The following GPLD1 variants were observed in gnomAD, a reference collection of about 807,000 sequenced individuals.
GPLD1 encodes glycosylphosphatidylinositol specific phospholipase D1, also known as phosphatidylinositol-glycan-specific phospholipase D.
GPLD1 carries 84 observed loss-of-function variants against 112.6 expected under a neutral mutation model. The ratio of observed to expected loss-of-function variants is 0.75; its 90% confidence interval spans 0.63 to 0.89. The LOEUF is 0.89. Among genes scored for constraint, GPLD1 ranks in the 40% least tolerant of loss-of-function variants. GPLD1 has a pLI of 0.00. For synonymous variants in GPLD1, 386 were observed against 403.8 expected (o/e 0.96, Z 0.53); for missense variants, 1,044 against 1,051.5 (o/e 0.99, Z 0.10).
At chr6:24,441,245 G>A (rs1762737554) in intron 20 of GPLD1, among the ~76,000 whole-genome samples, 1 of 151,492 alleles carries the variant, frequency 6.6e-6, no homozygotes, top group South Asian at 2.1e-4. Flanking sequence ...GGCAGAGGCT[G>A]CAGTGAGCTT....
intron 1 of GPLD1, 57 bp downstream of exon 1, chr6:24,489,358 A>C: frequency 7.9e-7 from 1 of 1,260,310 alleles, no homozygotes; most frequent in East Asian, 2.3e-5. Context: ...TCTCTTCCTT[A>C]ATGTCTTTGA....
intron 20 of GPLD1, among the ~76,000 whole-genome samples, chr6:24,438,194 T>C (rs1474717586): frequency 6.6e-6 from 1 of 152,138 alleles, no homozygotes; most frequent in Non-Finnish European, 1.5e-5. Context: ...AGAAATGCGG[T>C]CACGTCTCTG....
At chr6:24,442,042 T>C (rs1032816190) in intron 20 of GPLD1, among the ~76,000 whole-genome samples, 1 of 148,580 alleles carries the variant, frequency 6.7e-6, no homozygotes, top group Non-Finnish European at 1.5e-5. Context: ...ATTTATATTA[T>C]ATATTAGTAT....
intron 20 of GPLD1, among the ~76,000 whole-genome samples, chr6:24,444,494 ATTTAT>A (rs1271162921): frequency 6.6e-6 from 1 of 150,434 alleles, no homozygotes; most frequent in Non-Finnish European, 1.5e-5. Flanking sequence ...AATGGTTCTT[ATTTAT>A]TTTTTTTTTT....
intron 5 of GPLD1, 109 bp from the exon 6 acceptor site, chr6:24,473,776 G>A (rs1162748051): frequency 1.5e-6 from 1 of 652,484 alleles, no homozygotes; most frequent in East Asian, 2.7e-5. Context: ...ATGAACTGCT[G>A]AGGACGCATA....
intron 2 of GPLD1, among the ~76,000 whole-genome samples, chr6:24,482,699 C>T (rs574071920): frequency 9.9e-5 from 15 of 151,742 alleles, no homozygotes; most frequent in Admixed American, 7.9e-4. Context: ...TGGTGCACAC[C>T]TGTAATTCCA....
chr6:24,440,561 T>C (rs914744612), intron 20 of GPLD1, among the ~76,000 whole-genome samples: 4 of 126,376 alleles, frequency 3.2e-5, no homozygotes, highest in South Asian at 2.5e-4. Context: ...TTGATCATTA[T>C]CAAAAGTGTA....
intron 2 of GPLD1, 142 bp from the exon 3 acceptor site, chr6:24,480,101 T>A (rs1764152179): frequency 5.1e-6 from 3 of 584,394 alleles, no homozygotes; most frequent in South Asian, 4.7e-5. Flanking sequence ...AAAGCAGGCA[T>A]AAAGTAAATA....
At chr6:24,430,824 G>T (rs1762379605) in intron 24 of GPLD1, among the ~76,000 whole-genome samples, 1 of 152,098 alleles carries the variant, frequency 6.6e-6, no homozygotes, top group Admixed American at 6.6e-5. Flanking sequence ...CCAAGCTCAG[G>T]TATGTGCTGG....
At chr6:24,470,919 A>C (rs531578432) in intron 7 of GPLD1, among the ~76,000 whole-genome samples, 3 of 152,260 alleles carry the variant, frequency 2.0e-5, no homozygotes, top group Admixed American at 6.5e-5. Flanking sequence ...AAAATTGTTA[A>C]TTTTCCAATT....
At chr6:24,470,442 C>A (rs186823170) in intron 7 of GPLD1, among the ~76,000 whole-genome samples, 2 of 152,110 alleles carry the variant, frequency 1.3e-5, no homozygotes, top group Non-Finnish European at 2.9e-5. Context: ...GACAGAACTA[C>A]AAGAAATTGA....
At position 24,489,371 on chromosome 6, in the gene GPLD1, G is replaced by T. The variant is rs1034696432; in HGVS notation, c.97+44C>A. 5 of 1,323,068 alleles carry T rather than the reference G, an allele frequency of 3.8e-6. No homozygotes were observed. In the Admixed American group the frequency reaches 6.7e-5, roughly 18 times the overall value. The allele number at this position is 1,323,068 out of a possible 1,614,324, so 82.0% of individuals were successfully genotyped here. A position where few individuals can be genotyped will look rare whatever the true frequency, so the allele number is the denominator to read the frequency against. On this transcript the variant is annotated intron_variant, in intron 1 of 24. Transcript: ENST00000230036. Reference sequence around the variant, plus strand: ...AGTCTCTTCCTTAATGTCTTTGACAGATGTATTGTCCTCTCAACAACATAA... The same window carrying T: ...AGTCTCTTCCTTAATGTCTTTGACATATGTATTGTCCTCTCAACAACATAA...
chr6:24,473,355 T>C (rs1763892565), intron 6 of GPLD1: 4 of 277,984 alleles, frequency 1.4e-5, no homozygotes, highest in Non-Finnish European at 6.8e-6. Context: ...ACCCAATGTA[T>C]AAGTAAAGTT....
chr6:24,446,999 CT>C lies in GPLD1; in HGVS notation c.1679-21del, dbSNP rs1464684785. On this transcript the variant is annotated intron_variant, in intron 17 of 24. Transcript: ENST00000230036. ...GTTTTTCTAAAGAAGACAACTCATC[CT>C]TTTTACTAATACTTTAAGTGAGAGG... 2 of 1,607,644 alleles carry C rather than the reference CT, an allele frequency of 1.2e-6. No homozygotes were observed. The highest frequency in any genetic ancestry group is 1.7e-6 in the Non-Finnish European group (2 of 1,175,754).
At chr6:24,490,940 C>T (rs1234959014), upstream of GPLD1, among the ~76,000 whole-genome samples, 6 of 152,088 alleles carry the variant, frequency 3.9e-5, no homozygotes, top group Admixed American at 1.3e-4. Context: ...CATATGCCTA[C>T]GTGTTTTGTT....
chr6:24,436,995 G>C lies in GPLD1; in HGVS notation c.2197+118C>G, dbSNP rs142662980. On this transcript the variant is annotated intron_variant, in intron 21 of 24. Transcript: ENST00000230036. The stretch of plus-strand genomic sequence containing the variant: ...TTGCCTCATTCAAGATCTGTCTAAA[G>C]GTCCTTGGGCCACTGGGCTGTCAAT... 2.1e-4 allele frequency: 196 copies of C among 919,992 alleles called. No individual in the cohort carries two copies. The African/African-American group carries it at 2.7e-3, about 13-fold the overall frequency. 57.0% of individuals were successfully genotyped at this position (919,992 alleles called of 1,614,324 possible).
intron 2 of GPLD1, 99 bp from the exon 3 acceptor site, chr6:24,480,058 G>A: frequency 1.4e-6 from 1 of 716,662 alleles, no homozygotes; most frequent in East Asian, 2.5e-5. Context: ...AGAAATATGG[G>A]GGTATAGATG....
At chr6:24,463,611 A>T (rs1358369935) in intron 10 of GPLD1, among the ~76,000 whole-genome samples, 2 of 152,226 alleles carry the variant, frequency 1.3e-5, no homozygotes, top group South Asian at 4.1e-4. Context: ...TTACAGCATT[A>T]GCACTATACT....
rs1192331557 is a variant in GPLD1 at position 24,466,757 on chromosome 6, A to G, written c.744T>C (p.Leu248=). 8.7e-6 allele frequency: 14 copies of G among 1,611,384 alleles called. No homozygotes were observed. Among genetic ancestry groups the G allele is most frequent in the African/African-American group, 1.3e-5 (1 of 74,900 alleles). The change falls in exon 10 of 25, where the codon CTT becomes CTC. Residue 248 remains leucine, a synonymous_variant. Transcript: ENST00000230036. ...AAAATGCCATATCATCCAGTCCTCCAAGAAAATACTCTTGGAATTGTTCCA... is the reference window on the plus strand; with the variant it reads ...AAAATGCCATATCATCCAGTCCTCCGAGAAAATACTCTTGGAATTGTTCCA... The part of the protein sequence containing the change: ...FLVEQFQEYF[L]GGLDDMAFWS...
Sources: allele counts gnomAD v4.1 joint callset (sites outside exome capture counted in the v4.1 genomes callset), GRCh38; gene constraint gnomAD v4.1.1; transcripts MANE v1.5; gene names NCBI Gene and HGNC (gene_info 2026-07-23, HGNC 2026-07-21).